The following HECW2 variants were observed in gnomAD, a reference collection of about 807,000 sequenced individuals.
The protein encoded by HECW2 is E3 ubiquitin-protein ligase HECW2.
A neutral mutation model predicts 175.2 loss-of-function variants in HECW2; 61 were observed. The observed-to-expected ratio is 0.35, with a 90% CI of 0.28 to 0.43. The LOEUF is 0.43. HECW2 is among the 20% of genes least tolerant of loss of function. The probability of loss-of-function intolerance (pLI) is 1.00; values close to 1 mark genes in which losing one functional copy is unlikely to be tolerated. For synonymous variants in HECW2, 671 were observed against 731.0 expected (o/e 0.92, Z 1.32); for missense variants, 1,524 against 2,000.5 (o/e 0.76, Z 4.54).
chr2:196,317,575 T>A (rs6710620), intron 9 of HECW2, among the ~76,000 whole-genome samples: 6,444 of 152,118 alleles, frequency 0.042, 472 homozygotes, highest in African/African-American at 0.15. Flanking sequence ...CCTCTGCATG[T>A]ATCCCCCGCT....
chr2:196,427,143 AT>A (rs11348902), intron 2 of HECW2, among the ~76,000 whole-genome samples: 135,131 of 152,012 alleles, frequency 0.89, 61,303 homozygotes, highest in East Asian at 1. Flanking sequence ...ACTTCAGATG[AT>A]TTTTTTTCAT....
chr2:196,348,250 AT>A (rs991788539), intron 2 of HECW2, among the ~76,000 whole-genome samples: 4 of 151,844 alleles, frequency 2.6e-5, no homozygotes, highest in Non-Finnish European at 4.4e-5. Context: ...AGGCCAACAT[AT>A]TTTTTTTCCT....
At chr2:196,344,169 G>C (rs375932719) in intron 2 of HECW2, among the ~76,000 whole-genome samples, 30 of 152,136 alleles carry the variant, frequency 2.0e-4, no homozygotes, top group East Asian at 1.5e-3. Flanking sequence ...TTCAAGATGG[G>C]ATGAACAAAA....
chr2:196,389,993 T>C (rs1694459689), intron 2 of HECW2, among the ~76,000 whole-genome samples: 1 of 152,178 alleles, frequency 6.6e-6, no homozygotes, highest in African/African-American at 2.4e-5. Context: ...AGGACCTCTT[T>C]AGATACTTTG....
intron 1 of HECW2, among the ~76,000 whole-genome samples, chr2:196,447,102 A>AT (rs1173812021): frequency 6.6e-6 from 1 of 152,218 alleles, no homozygotes; most frequent in Non-Finnish European, 1.5e-5. Context: ...CAGTGTCATG[A>AT]TCCAGCTTGT....
chr2:196,516,064 G>A (rs1009158183), intron 1 of HECW2, among the ~76,000 whole-genome samples: 47 of 152,154 alleles, frequency 3.1e-4, no homozygotes, highest in African/African-American at 1.1e-3. Flanking sequence ...TTGAACCTGG[G>A]AGGTAGAGTT....
chr2:196,251,053 C>T (rs1902269), intron 19 of HECW2, among the ~76,000 whole-genome samples: 1 of 151,926 alleles, frequency 6.6e-6, no homozygotes, highest in Non-Finnish European at 1.5e-5. Context: ...CCCTATCCCC[C>T]TTTTGAGACA....
intron 1 of HECW2, among the ~76,000 whole-genome samples, chr2:196,486,679 G>A (rs1304000840): frequency 2.6e-5 from 4 of 152,270 alleles, no homozygotes; most frequent in Admixed American, 2.0e-4. Context: ...TATTTTTAGA[G>A]AGGTTTAATG....
intron 1 of HECW2, among the ~76,000 whole-genome samples, chr2:196,516,603 T>C (rs1688157703): frequency 6.6e-6 from 1 of 152,208 alleles, no homozygotes; most frequent in Non-Finnish European, 1.5e-5. Flanking sequence ...GTCCACAAGG[T>C]ATCGGGAATT....
At chr2:196,218,611 G>C (rs138182847) in intron 26 of HECW2, among the ~76,000 whole-genome samples, 2 of 152,042 alleles carry the variant, frequency 1.3e-5, no homozygotes, top group East Asian at 1.9e-4. Flanking sequence ...CCAGGAATTC[G>C]AGACCAGACT....
At chr2:196,404,817 CTCTTTTTT>C (rs1377853153) in intron 2 of HECW2, among the ~76,000 whole-genome samples, 2 of 109,690 alleles carry the variant, frequency 1.8e-5, no homozygotes, top group East Asian at 2.9e-4. Context: ...CTTTTTTCTT[CTCTTTTTT>C]TTTTTTTTTT....
intron 2 of HECW2, among the ~76,000 whole-genome samples, chr2:196,430,180 G>A (rs10497785): frequency 6.6e-6 from 1 of 152,118 alleles, no homozygotes; most frequent in Non-Finnish European, 1.5e-5. Context: ...ACCAAATTCG[G>A]AGGATGAATT....
At chr2:196,501,247 A>G (rs920438337) in intron 1 of HECW2, among the ~76,000 whole-genome samples, 1 of 152,180 alleles carries the variant, frequency 6.6e-6, no homozygotes, top group Admixed American at 6.5e-5. Context: ...TATTAAAGAG[A>G]CAGTTGGAAG....
intron 1 of HECW2, among the ~76,000 whole-genome samples, chr2:196,591,110 C>T (rs1691174082): frequency 1.3e-5 from 2 of 152,196 alleles, no homozygotes; most frequent in Non-Finnish European, 2.9e-5. Context: ...CTCAAATGTT[C>T]AGAATGATTT....
intron 1 of HECW2, among the ~76,000 whole-genome samples, chr2:196,523,279 C>G (rs977039302): frequency 1.3e-5 from 2 of 151,508 alleles, no homozygotes; most frequent in Admixed American, 6.6e-5. Flanking sequence ...CTCTGTTTGT[C>G]TGTTGTTGGT....
intron 19 of HECW2, 169 bp from the exon 20 acceptor site, chr2:196,242,373 G>T: frequency 1.4e-6 from 1 of 740,358 alleles, no homozygotes; most frequent in Non-Finnish European, 2.1e-6. Flanking sequence ...CCTCAACCAA[G>T]GTCTTAAGTG....
chr2:196,510,294 C>A (rs1687900533), intron 1 of HECW2, among the ~76,000 whole-genome samples: 1 of 152,156 alleles, frequency 6.6e-6, no homozygotes, highest in South Asian at 2.1e-4. Flanking sequence ...AGTCCTAGAA[C>A]TACTACATCA....
At chr2:196,470,508 T>C (rs907418789) in intron 1 of HECW2, among the ~76,000 whole-genome samples, 2 of 152,194 alleles carry the variant, frequency 1.3e-5, no homozygotes, top group South Asian at 2.1e-4. Context: ...TGCTTTCATA[T>C]TGAAGTTGTG....
At chr2:196,251,187 C>CTA (rs1460605810) in intron 19 of HECW2, among the ~76,000 whole-genome samples, 1 of 152,138 alleles carries the variant, frequency 6.6e-6, no homozygotes, top group African/African-American at 2.4e-5. Context: ...ACTTCCTGAG[C>CTA]CCTTTGAGCA....
Sources: gnomAD v4.1 joint callset for allele counts (sites outside exome capture counted in the v4.1 genomes callset) on GRCh38, gnomAD v4.1.1 for gene constraint, MANE v1.5 for transcripts, NCBI Gene and HGNC (gene_info 2026-07-23, HGNC 2026-07-21) for gene names.